The following CHLSN variants were observed in gnomAD, a reference collection of about 807,000 sequenced individuals.
CHLSN encodes the protein protein cholesin.
At chr7:1,005,184 A>G in the CHLSN span, among the ~76,000 whole-genome samples, 1 of 152,162 alleles carries the variant, frequency 6.6e-6, no homozygotes. Flanking sequence ...TCAGCTACTC[A>G]GGAGGCTGAG....
the CHLSN span, chr7:1,021,498 C>A: frequency 2.0e-6 from 2 of 985,336 alleles, no homozygotes; most frequent in African/African-American, 1.7e-5. Context: ...TGACAAGATG[C>A]CAGTAGTTGG....
the CHLSN span, among the ~76,000 whole-genome samples, chr7:1,083,247 A>C: frequency 6.6e-6 from 1 of 152,372 alleles, no homozygotes; most frequent in African/African-American, 2.4e-5. Context: ...ACGCGCCTTC[A>C]GTGCTGGAGT....
the CHLSN span, among the ~76,000 whole-genome samples, chr7:1,079,336 C>T: frequency 1.9e-4 from 29 of 152,332 alleles, no homozygotes; most frequent in Admixed American, 6.5e-4. Context: ...TATGGGGACA[C>T]CTCAAATCAC....
chr7:1,129,631 G>A, the CHLSN span, among the ~76,000 whole-genome samples: 1 of 152,302 alleles, frequency 6.6e-6, no homozygotes, highest in Non-Finnish European at 1.5e-5. Context: ...TTCTGTAGAG[G>A]CAGGGTCTTG....
chr7:1,070,814 T>C, the CHLSN span, among the ~76,000 whole-genome samples: 6 of 90,306 alleles, frequency 6.6e-5, no homozygotes, highest in Admixed American at 2.0e-4. Flanking sequence ...TGCACACACA[T>C]CCACACGTGC....
chr7:1,127,584 A>G, the CHLSN span, among the ~76,000 whole-genome samples: 1 of 151,140 alleles, frequency 6.6e-6, no homozygotes, highest in Non-Finnish European at 1.5e-5. Context: ...ATTTTGGTAT[A>G]TTTCCTTTCT....
the CHLSN span, among the ~76,000 whole-genome samples, chr7:1,070,052 A>G: frequency 1.1e-5 from 1 of 94,446 alleles, no homozygotes; most frequent in Non-Finnish European, 2.1e-5. Context: ...CCCGTCTGGG[A>G]GGTGAGGAGC....
the CHLSN span, among the ~76,000 whole-genome samples, chr7:1,125,660 C>T: frequency 6.6e-6 from 1 of 152,214 alleles, no homozygotes; most frequent in Non-Finnish European, 1.5e-5. Context: ...TCAGCAAGGG[C>T]GCTCAGCACT....
At chr7:1,092,872 T>G in the CHLSN span, 1 of 1,606,332 alleles carries the variant, frequency 6.2e-7, no homozygotes, top group South Asian at 1.1e-5. Context: ...CTTGGCCGCA[T>G]AGGCCCAGCC....
At chr7:1,008,844 C>A in the CHLSN span, among the ~76,000 whole-genome samples, 3 of 139,136 alleles carry the variant, frequency 2.2e-5, no homozygotes, top group Admixed American at 1.4e-4. Flanking sequence ...TATACACACG[C>A]ACACACGTAA....
chr7:1,116,285 C>T, the CHLSN span, among the ~76,000 whole-genome samples: 27 of 141,148 alleles, frequency 1.9e-4, no homozygotes, highest in African/African-American at 5.5e-4. Flanking sequence ...CCAAGGCCCA[C>T]GCAGGATGAC....
the CHLSN span, among the ~76,000 whole-genome samples, chr7:1,096,014 G>C: frequency 2.0e-5 from 3 of 152,204 alleles, no homozygotes; most frequent in Admixed American, 6.5e-5. The surrounding 1 kb of genome is among the most constrained non-coding windows in gnomAD (Gnocchi z 4.6). Flanking sequence ...CAGAGCCCCA[G>C]GCATCAATCA....
At chr7:1,093,514 A>G in the CHLSN span, 1 of 470,922 alleles carries the variant, frequency 2.1e-6, no homozygotes, top group Non-Finnish European at 4.4e-6. Flanking sequence ...CCGGAGCAGC[A>G]GGAAGGCCCC....
At chr7:1,065,272 T>G in the CHLSN span, among the ~76,000 whole-genome samples, 1 of 151,680 alleles carries the variant, frequency 6.6e-6, no homozygotes, top group Non-Finnish European at 1.5e-5. Context: ...ACTTCCAAAA[T>G]TAAACATGGT....
the CHLSN span, among the ~76,000 whole-genome samples, chr7:1,091,123 A>C: frequency 1.3e-5 from 2 of 152,162 alleles, no homozygotes; most frequent in African/African-American, 4.8e-5. Context: ...TGTGGCTATA[A>C]AGGGAAAAAC....
chr7:1,081,989 C>T, the CHLSN span: 4 of 152,358 alleles, frequency 2.6e-5, no homozygotes, highest in South Asian at 2.1e-4. Flanking sequence ...ACCCCGCGAA[C>T]GGGGACAGCA....
the CHLSN span, among the ~76,000 whole-genome samples, chr7:1,024,167 T>G: frequency 6.6e-6 from 1 of 152,310 alleles, no homozygotes; most frequent in East Asian, 1.9e-4. Flanking sequence ...GTGCTGGGAT[T>G]ATAGGTGTGA....
At chr7:1,028,841 C>T in the CHLSN span, 1 of 799,180 alleles carries the variant, frequency 1.3e-6, no homozygotes, top group Non-Finnish European at 1.5e-6. Context: ...CAGTCTACCC[C>T]CATCTTCCCA....
the CHLSN span, among the ~76,000 whole-genome samples, chr7:1,070,758 GACATAC>G: frequency 1.4e-5 from 2 of 141,122 alleles, no homozygotes; most frequent in Non-Finnish European, 1.5e-5. Flanking sequence ...AACGCACGCA[GACATAC>G]ACATGCACAC....
Sources: allele counts gnomAD v4.1 joint callset (sites outside exome capture counted in the v4.1 genomes callset), GRCh38; gene constraint gnomAD v4.1.1; non-coding constraint Gnocchi (gnomAD v3.1); transcripts MANE v1.5; gene names NCBI Gene and HGNC (gene_info 2026-07-23, HGNC 2026-07-21).